The following KIAA1217 variants were observed in gnomAD, a reference collection of about 807,000 sequenced individuals.
The protein encoded by KIAA1217 is KIAA1217.
In KIAA1217, 88 loss-of-function variants were observed where a neutral mutation model predicts 163.9. That is an observed-to-expected ratio of 0.54 (90% CI 0.45 to 0.64). KIAA1217 has a LOEUF of 0.64. KIAA1217 is among the 30% of genes least tolerant of loss of function. KIAA1217 has a pLI of 0.00. For synonymous variants in KIAA1217, 903 were observed against 923.1 expected (o/e 0.98, Z 0.39); for missense variants, 2,372 against 2,475.0 (o/e 0.96, Z 0.88).
intron 2 of KIAA1217, among the ~76,000 whole-genome samples, chr10:24,122,610 T>A (rs2063325341): frequency 6.6e-6 from 1 of 152,100 alleles, no homozygotes; most frequent in South Asian, 2.1e-4. Context: ...TTTACACACA[T>A]TGAAACTAGA....
intron 5 of KIAA1217, among the ~76,000 whole-genome samples, chr10:24,458,877 T>C (rs1282935177): frequency 6.6e-6 from 1 of 152,186 alleles, no homozygotes; most frequent in East Asian, 1.9e-4. Context: ...AGAATGGAGA[T>C]TGTGATGTGA....
At chr10:23,934,563 A>ATATATATATATATATATATATATATG (rs1843400878) in intron 1 of KIAA1217, among the ~76,000 whole-genome samples, 9 of 44,322 alleles carry the variant, frequency 2.0e-4, no homozygotes, top group Non-Finnish European at 2.9e-4. Context: ...TAAAGTATAT[A>ATATATATATATATATATATATATATG]TATATATATA....
chr10:24,142,873 TATATC>T (rs1265294769), intron 2 of KIAA1217, among the ~76,000 whole-genome samples: 1 of 152,146 alleles, frequency 6.6e-6, no homozygotes, highest in Non-Finnish European at 1.5e-5. Flanking sequence ...GACAGGCAGA[TATATC>T]AGGAAGAGGA....
At chr10:24,412,079 G>T (rs999992564) in intron 3 of KIAA1217, among the ~76,000 whole-genome samples, 1 of 151,728 alleles carries the variant, frequency 6.6e-6, no homozygotes, top group Non-Finnish European at 1.5e-5. Flanking sequence ...ACCAAAAGTT[G>T]TTGTGTTTGC....
chr10:24,209,815 T>G (rs540371466), intron 1 of KIAA1217, among the ~76,000 whole-genome samples: 1 of 152,360 alleles, frequency 6.6e-6, no homozygotes, highest in Non-Finnish European at 1.5e-5. Context: ...GGATCTTCTT[T>G]TATGTTTTAA....
At chr10:24,449,204 G>C (rs1460203732) in intron 5 of KIAA1217, among the ~76,000 whole-genome samples, 2 of 152,102 alleles carry the variant, frequency 1.3e-5, no homozygotes, top group African/African-American at 4.8e-5. Context: ...TCTGCTTCCA[G>C]TTATAAAGTC....
At chr10:24,352,994 A>G (rs2048647105) in intron 2 of KIAA1217, among the ~76,000 whole-genome samples, 1 of 151,930 alleles carries the variant, frequency 6.6e-6, no homozygotes, top group Non-Finnish European at 1.5e-5. Flanking sequence ...AAGAGTGTTG[A>G]GGCCTCCCGA....
chr10:24,316,770 T>G (rs2043432846), intron 2 of KIAA1217, among the ~76,000 whole-genome samples: 1 of 152,154 alleles, frequency 6.6e-6, no homozygotes, highest in African/African-American at 2.4e-5. Flanking sequence ...GCAGCTAAAA[T>G]TTAAAATAAT....
intron 2 of KIAA1217, among the ~76,000 whole-genome samples, chr10:24,114,704 G>A (rs2062984199): frequency 6.6e-6 from 1 of 152,190 alleles, no homozygotes; most frequent in Non-Finnish European, 1.5e-5. Flanking sequence ...CACATCTGGA[G>A]AAATCCTTTG....
At chr10:24,399,553 T>G (rs555231440) in intron 3 of KIAA1217, among the ~76,000 whole-genome samples, 3 of 152,352 alleles carry the variant, frequency 2.0e-5, no homozygotes, top group African/African-American at 7.2e-5. Flanking sequence ...TAGGTTATCT[T>G]AGATCCCATC....
At chr10:24,128,923 G>A (rs2063557620) in intron 2 of KIAA1217, among the ~76,000 whole-genome samples, 1 of 152,236 alleles carries the variant, frequency 6.6e-6, no homozygotes, top group Non-Finnish European at 1.5e-5. Flanking sequence ...CAATGGCCCT[G>A]TTAAAGGCTG....
chr10:24,367,066 T>C (rs964310387), intron 2 of KIAA1217: 1 of 691,300 alleles, frequency 1.4e-6, no homozygotes, highest in African/African-American at 1.9e-5. Flanking sequence ...TTTCTCTTCA[T>C]GTTTTCACCC....
chr10:24,121,621 A>G (rs2063284862), intron 2 of KIAA1217, among the ~76,000 whole-genome samples: 1 of 152,186 alleles, frequency 6.6e-6, no homozygotes, highest in Non-Finnish European at 1.5e-5. Flanking sequence ...TATAACATCT[A>G]CTGTCATGAA....
At chr10:24,431,935 A>G (rs564556446) in intron 3 of KIAA1217, among the ~76,000 whole-genome samples, 5 of 152,302 alleles carry the variant, frequency 3.3e-5, no homozygotes, top group Admixed American at 3.3e-4. Context: ...AATATGTATT[A>G]GAACCACAGA....
At chr10:24,112,951 A>G (rs2062912205) in intron 2 of KIAA1217, among the ~76,000 whole-genome samples, 1 of 152,046 alleles carries the variant, frequency 6.6e-6, no homozygotes, top group Non-Finnish European at 1.5e-5. Flanking sequence ...GTGAAAATAG[A>G]GGAGGCAGGG....
At chr10:24,135,374 C>T (rs2063795911) in intron 2 of KIAA1217, among the ~76,000 whole-genome samples, 1 of 152,048 alleles carries the variant, frequency 6.6e-6, no homozygotes, top group African/African-American at 2.4e-5. Context: ...ACCAAGCTTA[C>T]ATCAAGAAGC....
intron 3 of KIAA1217, among the ~76,000 whole-genome samples, chr10:24,419,324 A>G (rs941051616): frequency 6.6e-6 from 1 of 152,158 alleles, no homozygotes; most frequent in Non-Finnish European, 1.5e-5. Flanking sequence ...GGGAACTATT[A>G]AGACAGCTCT....
chr10:24,057,377 C>T (rs2060566659), intron 2 of KIAA1217, among the ~76,000 whole-genome samples: 1 of 152,180 alleles, frequency 6.6e-6, no homozygotes, highest in South Asian at 2.1e-4. Flanking sequence ...CTAGAAAATT[C>T]GTTCATCTTG....
At chr10:24,067,766 C>A (rs1388988603) in intron 2 of KIAA1217, among the ~76,000 whole-genome samples, 1 of 152,268 alleles carries the variant, frequency 6.6e-6, no homozygotes, top group African/African-American at 2.4e-5. Flanking sequence ...GCAGGCAGGC[C>A]TCCTTGAGCT....
Sources: gnomAD v4.1 joint callset for allele counts (sites outside exome capture counted in the v4.1 genomes callset) on GRCh38, gnomAD v4.1.1 for gene constraint, MANE v1.5 for transcripts, NCBI Gene and HGNC (gene_info 2026-07-23, HGNC 2026-07-21) for gene names.